The following DPY19L1 variants were observed in gnomAD, a reference collection of about 807,000 sequenced individuals.
The protein encoded by DPY19L1 is dpy-19 like C-mannosyltransferase 1.
DPY19L1 carries 35 observed loss-of-function variants against 96.9 expected under a neutral mutation model. The observed-to-expected ratio is 0.36, with a 90% CI of 0.28 to 0.48. DPY19L1 has a LOEUF of 0.48. Ranked by LOEUF, DPY19L1 falls within the 20% of genes least tolerant of loss-of-function variation. The probability of loss-of-function intolerance (pLI) is 0.99; values close to 1 mark genes in which losing one functional copy is unlikely to be tolerated. For missense variants in DPY19L1, 521 were observed against 777.9 expected (o/e 0.67, Z 3.93); for synonymous variants, 205 against 252.6 (o/e 0.81, Z 1.79).
chr7:34,977,989 T>C (rs1784864509), intron 7 of DPY19L1, among the ~76,000 whole-genome samples: 1 of 152,112 alleles, frequency 6.6e-6, no homozygotes, highest in Non-Finnish European at 1.5e-5. Context: ...TAGATATTAA[T>C]AGGCTTTTAT....
intron 14 of DPY19L1, among the ~76,000 whole-genome samples, chr7:34,948,461 C>T (rs1482492623): frequency 1.3e-5 from 2 of 152,136 alleles, no homozygotes; most frequent in Non-Finnish European, 2.9e-5. Flanking sequence ...GTTCCCTGAA[C>T]TGACAGTACT....
chr7:35,030,852 A>G (rs1404570488), intron 1 of DPY19L1, among the ~76,000 whole-genome samples: 1 of 152,190 alleles, frequency 6.6e-6, no homozygotes, highest in Non-Finnish European at 1.5e-5. Flanking sequence ...GATCTTCCCT[A>G]TGAAATGAAA....
At chr7:34,969,295 G>A (rs1473998695) in intron 9 of DPY19L1, 138 bp downstream of exon 9, 1 of 449,730 alleles carries the variant, frequency 2.2e-6, no homozygotes, top group African/African-American at 2.0e-5. Flanking sequence ...AAATGTTTTA[G>A]AAAAACATTT....
Position 34,986,622 on chromosome 7 carries a change from C to T in DPY19L1, c.822+3262G>A, listed in dbSNP as rs1785053799. Among the ~76,000 whole-genome samples, 3 of 151,984 alleles carry T rather than the reference C, an allele frequency of 2.0e-5. No individual in the cohort carries two copies. The South Asian group carries it at 6.2e-4, about 32-fold the overall frequency. ...GTGCTCTAAGAATTCTTTTCCAAATCTTATATAAATGGCATAACTATTTCA... is the reference window on the plus strand; with the variant it reads ...GTGCTCTAAGAATTCTTTTCCAAATTTTATATAAATGGCATAACTATTTCA... On this transcript the variant is annotated intron_variant, in intron 7 of 21. Coordinates refer to ENST00000638088, the MANE Select transcript of DPY19L1 (RefSeq NM_001366673.1).
Position 35,037,164 on chromosome 7 carries a change from G to C in DPY19L1, c.231C>G (p.Ala77=), listed in dbSNP as rs1424258570. The stretch of plus-strand genomic sequence containing the variant: ...GCAGGCCCAGCGCCCAGCGCAGCCG[G>C]GCGGCCAGGCGCCCCCCAAGGCCGC... The part of the protein sequence containing the change: ...AGGGLGGRLA[A]RLRWALGLRR... The change falls in exon 1 of 22, where the codon GCC becomes GCG. Residue 77 remains alanine, a synonymous_variant. Transcript: ENST00000638088. 1 of 162,336 alleles carries C rather than the reference G, an allele frequency of 6.2e-6. No homozygotes were observed. The highest frequency in any genetic ancestry group is 1.3e-5 in the Non-Finnish European group (1 of 76,392). The allele number at this position is 162,336 out of a possible 1,614,324, so 10.1% of individuals were successfully genotyped here. A position where few individuals can be genotyped will look rare whatever the true frequency, so the allele number is the denominator to read the frequency against.
rs58385351 is a variant in DPY19L1 at position 35,017,518 on chromosome 7, A to AAAAAAAC, written c.411+363_411+364insGTTTTTT. On this transcript the variant is annotated intron_variant, in intron 3 of 21. Coordinates refer to ENST00000638088, the MANE Select transcript of DPY19L1 (RefSeq NM_001366673.1). ...CTCCGTCTCAAAAAAAAAAAAAAAA[A>AAAAAAAC]AAAATTAGCCGGGCATGGTGGCAGG... 2.2e-5 allele frequency among the ~76,000 whole-genome samples: 2 copies of AAAAAAAC among 91,306 alleles called. 1 individual carries two copies. The highest frequency in any genetic ancestry group is 4.8e-5 in the Non-Finnish European group (2 of 41,558). The allele number at this position is 91,306 out of a possible 152,430, so 59.9% of individuals were successfully genotyped here.
At chr7:34,945,877 G>C (rs1784134975) in intron 15 of DPY19L1, among the ~76,000 whole-genome samples, 161 bp from the exon 16 acceptor site, 1 of 152,154 alleles carries the variant, frequency 6.6e-6, no homozygotes, top group Non-Finnish European at 1.5e-5. Flanking sequence ...TATTTGTATA[G>C]TATCTGATCA....
intron 21 of DPY19L1, among the ~76,000 whole-genome samples, chr7:34,933,708 G>A (rs548925881): frequency 1.3e-5 from 2 of 152,292 alleles, no homozygotes; most frequent in Non-Finnish European, 2.9e-5. Flanking sequence ...TCCTGTGCTG[G>A]ATGTTTCCTG....
intron 6 of DPY19L1, among the ~76,000 whole-genome samples, chr7:35,009,696 G>C (rs1457071977): frequency 6.6e-6 from 1 of 152,122 alleles, no homozygotes; most frequent in African/African-American, 2.4e-5. Context: ...ACCACAGACA[G>C]CCATCTAGAA....
intron 21 of DPY19L1, among the ~76,000 whole-genome samples, chr7:34,933,667 G>A (rs181948430): frequency 9.8e-5 from 15 of 152,336 alleles, no homozygotes; most frequent in Admixed American, 5.9e-4. Context: ...GGAAGGACTA[G>A]ACTGGCTGAG....
chr7:34,979,207 G>A (rs139441361), intron 7 of DPY19L1, among the ~76,000 whole-genome samples: 1,571 of 152,132 alleles, frequency 0.01, 16 homozygotes, highest in Non-Finnish European at 0.016. Flanking sequence ...GCAATGACTC[G>A]AACTTGACCA....
At chr7:34,931,787 G>A in intron 21 of DPY19L1, 58 bp from the exon 22 acceptor site, 1 of 1,516,354 alleles carries the variant, frequency 6.6e-7, no homozygotes, top group Non-Finnish European at 8.8e-7. Context: ...TGCAGAGAAA[G>A]CAGAGCACTT....
intron 6 of DPY19L1, among the ~76,000 whole-genome samples, chr7:35,009,147 T>C (rs1224559679): frequency 6.6e-6 from 1 of 152,258 alleles, no homozygotes; most frequent in Non-Finnish European, 1.5e-5. Context: ...CAGCTTCCTC[T>C]TTTGACAAAT....
chr7:34,952,367 A>G (rs1174800331), intron 13 of DPY19L1, among the ~76,000 whole-genome samples: 3 of 152,140 alleles, frequency 2.0e-5, no homozygotes, highest in African/African-American at 4.8e-5. Flanking sequence ...GATGAACTGG[A>G]GAGCTTCCTA....
chr7:35,027,131 G>C (rs1786139022), intron 1 of DPY19L1, among the ~76,000 whole-genome samples: 1 of 152,080 alleles, frequency 6.6e-6, no homozygotes, highest in South Asian at 2.1e-4. Flanking sequence ...TTGAATCCAG[G>C]AGGTGGAGGT....
At chr7:35,010,873 CTA>C (rs1348708616) in intron 5 of DPY19L1, among the ~76,000 whole-genome samples, 2 of 152,144 alleles carry the variant, frequency 1.3e-5, no homozygotes, top group Non-Finnish European at 2.9e-5. Context: ...AGAAGCAACA[CTA>C]TGTGACTTCT....
chr7:34,950,537 C>T (rs552731750), intron 13 of DPY19L1, among the ~76,000 whole-genome samples: 1 of 152,030 alleles, frequency 6.6e-6, no homozygotes, highest in Non-Finnish European at 1.5e-5. Context: ...GCCAAATGTT[C>T]AAGTTCATTA....
At chr7:34,949,752 T>A (rs2021391) in intron 14 of DPY19L1, 45 bp downstream of exon 14, 1 of 1,246,316 alleles carries the variant, frequency 8.0e-7, no homozygotes, top group Non-Finnish European at 1.1e-6. Context: ...ATGAAAAATG[T>A]ATGGGCCAAA....
chr7:35,012,407 A>G (rs919592264), intron 4 of DPY19L1, among the ~76,000 whole-genome samples: 3 of 152,164 alleles, frequency 2.0e-5, no homozygotes, highest in African/African-American at 7.2e-5. Flanking sequence ...CTCAAAGTCC[A>G]CTTTCCAGGA....
Sources: allele counts gnomAD v4.1 joint callset (sites outside exome capture counted in the v4.1 genomes callset), GRCh38; gene constraint gnomAD v4.1.1; transcripts MANE v1.5; gene names NCBI Gene and HGNC (gene_info 2026-07-23, HGNC 2026-07-21).